The following RASSF7 variants were observed in gnomAD, a reference collection of about 807,000 sequenced individuals.
RASSF7 encodes the protein ras association domain-containing protein 7.
RASSF7 carries 41 observed loss-of-function variants against 33.8 expected under a neutral mutation model. The ratio of observed to expected loss-of-function variants is 1.21; its 90% CI spans 0.95 to 1.57. The LOEUF (loss-of-function observed/expected upper bound fraction) is 1.57. RASSF7 is among the 40% of genes most tolerant of loss of function. The pLI is 0.00. For missense variants in RASSF7, 622 were observed against 497.0 expected (o/e 1.25, Z -2.39); for synonymous variants, 298 against 212.8 (o/e 1.40, Z -3.48).
intron 3 of RASSF7, 143 bp from the exon 4 acceptor site, chr11:563,046 G>C (rs1378501682): frequency 7.3e-6 from 6 of 826,554 alleles, no homozygotes; most frequent in African/African-American, 1.7e-5. Context: ...TGAGCCCGGG[G>C]ACCTGATCCC....
chr11:562,661 C>T lies in RASSF7; in HGVS notation c.707C>T (p.Ser236Phe), dbSNP rs1365363086. 1.5e-5 allele frequency: 23 copies of T among 1,543,854 alleles called. No individual in the cohort carries two copies. Among genetic ancestry groups the T allele is most frequent in the Admixed American group, 3.9e-5 (2 of 50,998 alleles). ...CCTGGGCCCCCCTCACCTATGGCAT[C>T]TGCCACTGAGCGCCTGCACCAGGAC... The part of the protein sequence containing the change: ...EAPGPPSPMA[S>F]ATERLHQDLA... The change falls in exon 3 of 6, where the codon TCT becomes TTT. Residue 236 changes from serine to phenylalanine, a missense_variant. Ser to Phe is a radical substitution (Grantham distance 155, BLOSUM62 -2). Transcript: ENST00000397583.
At position 563,502 on chromosome 11, in the gene RASSF7, C is replaced by G. The variant is rs201821227; in HGVS notation, c.1034+24C>G. 11 of 1,609,496 alleles carry G rather than the reference C, an allele frequency of 6.8e-6. 1 individual carries two copies. The highest frequency in any genetic ancestry group is 6.7e-5 in the Admixed American group (4 of 59,700). ...GGGTATGTCTGTGCCCCACCTCCCC[C>G]TGGGGCACCGGGCCCTCCTGTGGCT... On this transcript the variant is annotated intron_variant, in intron 5 of 5. Transcript: ENST00000397583.
Position 563,834 on chromosome 11 carries a change from C to T in RASSF7, c.*189C>T, listed in dbSNP as rs1200836408. 3 of 611,620 alleles carry T rather than the reference C, an allele frequency of 4.9e-6. No individual in the cohort carries two copies. Among genetic ancestry groups the T allele is most frequent in the South Asian group, 2.0e-5 (1 of 49,632 alleles). The allele number at this position is 611,620 out of a possible 1,614,324, so 37.9% of individuals were successfully genotyped here. A position where few individuals can be genotyped will look rare whatever the true frequency, so the allele number is the denominator to read the frequency against. ...GGAGAAGCATGGGGCGTAGCCAGCTCGGAACTTGCCAGGCCCCAAAGGCCA... is the reference window on the plus strand; with the variant it reads ...GGAGAAGCATGGGGCGTAGCCAGCTTGGAACTTGCCAGGCCCCAAAGGCCA... On this transcript the variant is annotated 3_prime_UTR_variant, in exon 6 of 6. Coordinates refer to ENST00000397583, the MANE Select transcript of RASSF7 (RefSeq NM_003475.4).
chr11:561,564 G>A, intron 1 of RASSF7, 87 bp downstream of exon 1: 1 of 1,403,032 alleles, frequency 7.1e-7, no homozygotes, highest in Non-Finnish European at 9.3e-7. Flanking sequence ...TGGTGAAGTG[G>A]GGGAGGATGC....
rs550364808 is a variant in RASSF7, at chr11:562,871, G to A, written c.822+95G>A. 6.4e-5 allele frequency: 69 copies of A among 1,075,044 alleles called. No individual in the cohort carries two copies. The Admixed American group carries it at 1.1e-3, about 18-fold the overall frequency. 66.6% of individuals were successfully genotyped at this position (1,075,044 alleles called of 1,614,324 possible). A position where few individuals can be genotyped will look rare whatever the true frequency, so the allele number is the denominator to read the frequency against. On this transcript the variant is annotated intron_variant, in intron 3 of 5. Coordinates refer to ENST00000397583, the MANE Select transcript of RASSF7 (RefSeq NM_003475.4). Reference sequence around the variant, plus strand: ...TCCCACTCGGGAGGCAGGTGAGCCCGGGGACCTGATCCCCTGTCACTCCCC... The same window carrying A: ...TCCCACTCGGGAGGCAGGTGAGCCCAGGGACCTGATCCCCTGTCACTCCCC...
In RASSF7 at chr11:561,946, G is replaced by A. The variant is rs979468543; in HGVS notation, c.124+54G>A. ...GGCAGGTAGAGCTGAAGTGGGACCTGGTGGTCCAGCTCCATGGTCTCCCCC... is the reference window on the plus strand; with the variant it reads ...GGCAGGTAGAGCTGAAGTGGGACCTAGTGGTCCAGCTCCATGGTCTCCCCC... On this transcript the variant is annotated intron_variant, in intron 2 of 5. Coordinates refer to ENST00000397583, the MANE Select transcript of RASSF7 (RefSeq NM_003475.4). 4.7e-5 allele frequency: 76 copies of A among 1,606,404 alleles called. No homozygotes were observed. In the South Asian group the frequency reaches 6.2e-4, roughly 13 times the overall value.
In RASSF7 at chr11:561,058, C is replaced by T. The variant is rs1853268422; in HGVS notation, c.-427C>T. 1.0e-6 allele frequency: 1 copy of T among 991,772 alleles called. No homozygotes were observed. Among genetic ancestry groups the T allele is most frequent in the Non-Finnish European group, 1.2e-6 (1 of 834,600 alleles). The allele number at this position is 991,772 out of a possible 1,614,324, so 61.4% of individuals were successfully genotyped here. On this transcript the variant is annotated 5_prime_UTR_variant, in exon 1 of 6. Coordinates refer to ENST00000397583, the MANE Select transcript of RASSF7 (RefSeq NM_003475.4). ...GGTGAGCCGCGCCGGGTCCCCGGTA[C>T]TTGGGAGCGCGGGGCGCGCCTCGAG... is the stretch of plus-strand genomic sequence containing the variant.
At position 563,364 on chromosome 11, in the gene RASSF7, G is replaced by A. The variant is rs199789820; in HGVS notation, c.952-32G>A. ...GGCTGGGAGGTGAGGACCTGGCCCA[G>A]CCCCACTCCAAGCTGACTTCCCAAC... On this transcript the variant is annotated intron_variant, in intron 4 of 5. Coordinates refer to ENST00000397583, the MANE Select transcript of RASSF7 (RefSeq NM_003475.4). 62 of 1,608,852 alleles carry A rather than the reference G, an allele frequency of 3.9e-5. No individual in the cohort carries two copies. In the African/African-American group the frequency reaches 7.5e-4, roughly 19 times the overall value.
chr11:561,636 G>A, intron 1 of RASSF7, 126 bp from the exon 2 acceptor site: 1 of 1,463,528 alleles, frequency 6.8e-7, no homozygotes, highest in Non-Finnish European at 9.1e-7. Flanking sequence ...GCACAGGAGG[G>A]TGGGGCCCGT....
rs899461494 is a variant in RASSF7, at chr11:563,292, C to T, written c.926C>T (p.Pro309Leu). The T allele has an allele frequency of 6.2e-7, 1 of 1,610,504 alleles. No individual in the cohort carries two copies. Among genetic ancestry groups the T allele is most frequent in the Non-Finnish European group, 8.5e-7 (1 of 1,178,902 alleles). Residue 309 changes from proline to leucine, a missense_variant, in exon 4 of 6, where the codon CCT (proline) becomes CTT (leucine). Pro to Leu is a moderately conservative substitution (Grantham distance 98). Coordinates refer to ENST00000397583, the MANE Select transcript of RASSF7 (RefSeq NM_003475.4). ...TGAALPPPPR[P>L]DRGPPGTQGP... The stretch of plus-strand genomic sequence containing the variant: ...GCTGCGCTGCCACCGCCCCCACGGC[C>T]TGACAGGGGCCCTCCTGGCACTCAG...
Position 563,562 on chromosome 11 carries a change from C to T in RASSF7, c.1039C>T (p.Pro347Ser), listed in dbSNP as rs151072716. 63 of 1,612,170 alleles carry T rather than the reference C, an allele frequency of 3.9e-5. 1 individual carries two copies. In the African/African-American group the frequency reaches 6.5e-4, roughly 17 times the overall value. The change falls in exon 6 of 6, where the codon CCC becomes TCC. Residue 347 changes from proline (P) to serine (S), a missense_variant. Physicochemically the swap from Pro to Ser is moderately conservative, Grantham distance 74. Transcript: ENST00000397583. ...AGAQPRPRGG[P>S]HDAELLEVAA... ...TCAGCCTGTGTCCTCCCGCAGTGGC[C>T]CCCATGACGCAGAACTCCTGGAGGT...
At position 563,873 on chromosome 11, in the gene RASSF7, G is replaced by C; in HGVS notation, c.*228G>C. On this transcript the variant is annotated 3_prime_UTR_variant, in exon 6 of 6. Transcript: ENST00000397583. ...CCCCAAAGGCCACGACTGCCTGTTG[G>C]GGACAGGAGATGCATGGACAGTGTG... is the stretch of plus-strand genomic sequence containing the variant. The C allele has an allele frequency of 3.4e-6, 2 of 590,832 alleles. No individual in the cohort carries two copies. Among genetic ancestry groups the C allele is most frequent in the Non-Finnish European group, 6.0e-6 (2 of 332,356 alleles). 36.6% of individuals were successfully genotyped at this position (590,832 alleles called of 1,614,324 possible). A position where few individuals can be genotyped will look rare whatever the true frequency, so the allele number is the denominator to read the frequency against.
At position 561,722 on chromosome 11, in the gene RASSF7, G is replaced by A. The variant is rs149263608; in HGVS notation, c.-7-40G>A. On this transcript the variant is annotated intron_variant, in intron 1 of 5. Coordinates refer to ENST00000397583, the MANE Select transcript of RASSF7 (RefSeq NM_003475.4). ...AGAGGAGGACCAGCCTGCGATAGGAGTAGGCAGGTCCTGACCCGGTGCCTG... is the reference window on the plus strand; with the variant it reads ...AGAGGAGGACCAGCCTGCGATAGGAATAGGCAGGTCCTGACCCGGTGCCTG... 3.6e-5 allele frequency: 58 copies of A among 1,611,640 alleles called. 1 individual carries two copies. In the Middle Eastern group the frequency reaches 1.1e-3, roughly 30 times the overall value.
rs1853441991 is a variant in RASSF7 at position 563,581 on chromosome 11, T to G, written c.1058T>G (p.Leu353Arg). ...AGTGGCCCCCATGACGCAGAACTCC[T>G]GGAGGTAGCAGCAGCTCCTGCCCCA... ...PRGGPHDAEL[L>R]EVAAAPAPEW... is the part of the protein sequence containing the mutation. Residue 353 changes from leucine (L) to arginine (R), a missense_variant, in exon 6 of 6, where the codon CTG becomes CGG. Coordinates refer to ENST00000397583, the MANE Select transcript of RASSF7 (RefSeq NM_003475.4). 1 of 1,612,070 alleles carries G rather than the reference T, an allele frequency of 6.2e-7. No individual in the cohort carries two copies. The highest frequency in any genetic ancestry group is 1.3e-5 in the African/African-American group (1 of 74,916).
At chr11:561,951 T>G in intron 2 of RASSF7, 59 bp downstream of exon 2, 1 of 1,604,446 alleles carries the variant, frequency 6.2e-7, no homozygotes, top group Non-Finnish European at 8.5e-7. Context: ...GACCTGGTGG[T>G]CCAGCTCCAT....
Position 561,790 on chromosome 11 carries a change from A to G in RASSF7, c.22A>G (p.Met8Val), listed in dbSNP as rs1269437371. ...AGGCATGTTGTTGGGACTGGCGGCC[A>G]TGGAGCTGAAGGTGTGGGTGGATGG... MLLGLAA[M>V]ELKVWVDGIQ... Residue 8 changes from methionine to valine, a missense_variant, in exon 2 of 6, where the codon ATG (methionine) becomes GTG (valine). Met to Val is a conservative substitution (Grantham distance 21). Transcript: ENST00000397583. 6 of 1,613,230 alleles carry G rather than the reference A, an allele frequency of 3.7e-6. No individual in the cohort carries two copies. The highest frequency in any genetic ancestry group is 1.7e-5 in the Admixed American group (1 of 60,022).
In RASSF7 at chr11:563,642, G is replaced by C. The variant is rs767881675; in HGVS notation, c.1119G>C (p.Leu373=). ...WCPLAAQPQA[L] is the part of the protein sequence containing the mutation. ...CTCTGGCAGCCCAGCCCCAGGCTCTGTGACAGCCTAGTGAGGGCTGCAAGA... is the reference window on the plus strand; with the variant it reads ...CTCTGGCAGCCCAGCCCCAGGCTCTCTGACAGCCTAGTGAGGGCTGCAAGA... The change falls in exon 6 of 6, where the codon CTG becomes CTC. Residue 373 remains leucine (L), a synonymous_variant. Coordinates refer to ENST00000397583, the MANE Select transcript of RASSF7 (RefSeq NM_003475.4). The C allele has an allele frequency of 5.9e-5, 95 of 1,608,984 alleles. 1 individual carries two copies. Among genetic ancestry groups the C allele is most frequent in the Non-Finnish European group, 7.7e-5 (91 of 1,179,462 alleles).
chr11:563,738 C>T lies in RASSF7; in HGVS notation c.*93C>T, dbSNP rs1018715063. On this transcript the variant is annotated 3_prime_UTR_variant, in exon 6 of 6. Transcript: ENST00000397583. ...CTCCTCTGCCAGGCAGTGGGAAGCCCTGGGTTTGGCCTCAGGAGCTGGGGG... is the reference window on the plus strand; with the variant it reads ...CTCCTCTGCCAGGCAGTGGGAAGCCTTGGGTTTGGCCTCAGGAGCTGGGGG... 33 of 1,261,736 alleles carry T rather than the reference C, an allele frequency of 2.6e-5. 1 individual carries two copies. In the Admixed American group the frequency reaches 7.2e-4, roughly 27 times the overall value. The allele number at this position is 1,261,736 out of a possible 1,614,324, so 78.2% of individuals were successfully genotyped here.
Position 563,123 on chromosome 11 carries a change from CCCTCCGGAG to C in RASSF7, c.823-64_823-56del. 2.4e-5 allele frequency: 35 copies of C among 1,450,072 alleles called. 1 individual carries two copies. In the South Asian group the frequency reaches 4.2e-4, roughly 17 times the overall value. The allele number at this position is 1,450,072 out of a possible 1,614,324, so 89.8% of individuals were successfully genotyped here. A position where few individuals can be genotyped will look rare whatever the true frequency, so the allele number is the denominator to read the frequency against. On this transcript the variant is annotated intron_variant, in intron 3 of 5. Transcript: ENST00000397583. ...ACAGGGCCCGACCAGGGAAAGTGCT[CCCTCCGGAG>C]CACAAGGGCTGTGGAGCCCAGTGGC... is the stretch of plus-strand genomic sequence containing the variant.
Sources: allele counts gnomAD v4.1 joint callset, GRCh38; gene constraint gnomAD v4.1.1; transcripts MANE v1.5; gene names NCBI Gene and HGNC (gene_info 2026-07-23, HGNC 2026-07-21).